The following ADCK1 variants were observed in gnomAD, a reference collection of about 807,000 sequenced individuals.
ADCK1 encodes aarF domain containing kinase 1, also known as aarF domain-containing protein kinase 1.
In ADCK1, 41 loss-of-function variants were observed where a neutral mutation model predicts 52.3. The observed-to-expected ratio is 0.78, with a 90% confidence interval of 0.61 to 1.02. The LOEUF (loss-of-function observed/expected upper bound fraction) is 1.02, where lower values mean the gene tolerates loss of function less well. ADCK1 is among the 50% of genes least tolerant of loss of function. The pLI, the probability that ADCK1 is intolerant of heterozygous loss-of-function variation, is 0.00. For synonymous variants in ADCK1, 250 were observed against 274.6 expected, an observed-to-expected ratio of 0.91 and a Z score of 0.89; for missense variants, 658 against 679.5, an observed-to-expected ratio of 0.97 and a Z score of 0.35.
intron 3 of ADCK1, among the ~76,000 whole-genome samples, chr14:77,844,925 C>T (rs1055125809): frequency 6.6e-6 from 1 of 152,190 alleles, no homozygotes; most frequent in Non-Finnish European, 1.5e-5. Flanking sequence ...ACTCAGAGTG[C>T]GTGCTGTGGT....
Position 77,933,259 on chromosome 14 carries a change from C to T in ADCK1, c.1440C>T (p.Thr480=). The change falls in exon 11 of 11, where the codon ACC becomes ACT. Residue 480 remains threonine (T), a synonymous_variant. Transcript: ENST00000238561. The stretch of plus-strand genomic sequence containing the variant: ...ATACCTGTTCATTCTTCAGAAGGAC[C>T]CAGATCTCTTTCAGCGAGGCCTTCA... ...KKNTCSFFRR[T]QISFSEAFNL... 1 of 1,614,148 alleles carries T rather than the reference C, an allele frequency of 6.2e-7. No individual in the cohort carries two copies. The highest frequency in any genetic ancestry group is 8.5e-7 in the Non-Finnish European group (1 of 1,180,022).
chr14:77,823,397 T>C (rs1483392864), intron 3 of ADCK1, among the ~76,000 whole-genome samples: 2 of 152,164 alleles, frequency 1.3e-5, no homozygotes, highest in African/African-American at 2.4e-5. Context: ...TTTTCCTATG[T>C]GGATGGAATA....
In ADCK1 at chr14:77,819,037, G is replaced by T. The variant is rs1210128836; in HGVS notation, c.59G>T (p.Gly20Val). 8 of 1,614,034 alleles carry T rather than the reference G, an allele frequency of 5.0e-6. No individual in the cohort carries two copies. Among genetic ancestry groups the T allele is most frequent in the Non-Finnish European group, 6.8e-6 (8 of 1,180,032 alleles). Residue 20 changes from glycine to valine, a missense_variant, in exon 2 of 11, where the codon GGC becomes GTC. Physicochemically the swap from Gly to Val is moderately radical, Grantham distance 109 (BLOSUM62 -3). Transcript: ENST00000238561. ...SWTSMALAAS[G>V]IYFYSNKYLD... ...ACCAGCATGGCTCTTGCTGCCTCTG[G>T]CATCTACTTCTACAGTAACAAGTAC...
At chr14:77,910,357 G>C (rs1390106987) in intron 7 of ADCK1, among the ~76,000 whole-genome samples, 4 of 152,102 alleles carry the variant, frequency 2.6e-5, no homozygotes, top group Middle Eastern at 3.2e-3. Flanking sequence ...AGTAACACAA[G>C]TCAGGGCTTC....
At position 77,907,848 on chromosome 14, in the gene ADCK1, A is replaced by C; in HGVS notation, c.787A>C (p.Met263Leu). ...CCTGTCCACGGAGCGGGTCCTCCTG[A>C]TGGAGTTTGTGGATGGCGGGCAGGT... The part of the protein sequence containing the change: ...WDLSTERVLL[M>L]EFVDGGQVND... The change falls in exon 7 of 11, where the codon ATG becomes CTG. Residue 263 changes from methionine (M) to leucine (L), a missense_variant. Coordinates refer to ENST00000238561, the MANE Select transcript of ADCK1 (RefSeq NM_020421.4). 3 of 1,613,886 alleles carry C rather than the reference A, an allele frequency of 1.9e-6. No individual in the cohort carries two copies. The highest frequency in any genetic ancestry group is 2.5e-6 in the Non-Finnish European group (3 of 1,179,912).
intron 4 of ADCK1, among the ~76,000 whole-genome samples, chr14:77,859,898 C>A (rs962609593): frequency 6.6e-6 from 1 of 152,196 alleles, no homozygotes; most frequent in Non-Finnish European, 1.5e-5. Flanking sequence ...TGTTTCCCTA[C>A]GCTCTGGTCC....
At chr14:77,807,815 G>A (rs1014292008) in intron 1 of ADCK1, among the ~76,000 whole-genome samples, 5 of 151,902 alleles carry the variant, frequency 3.3e-5, no homozygotes, top group East Asian at 1.9e-4. Flanking sequence ...GGCAATTTTT[G>A]TATTTTTAGT....
At chr14:77,813,919 C>T (rs1049031882) in intron 1 of ADCK1, among the ~76,000 whole-genome samples, 6 of 151,842 alleles carry the variant, frequency 4.0e-5, no homozygotes, top group Non-Finnish European at 7.4e-5. Context: ...AGATGCATGC[C>T]ACAACACCCG....
chr14:77,929,972 G>A (rs189664312), intron 9 of ADCK1, among the ~76,000 whole-genome samples: 1,929 of 152,276 alleles, frequency 0.013, 35 homozygotes, highest in Non-Finnish European at 0.016. Flanking sequence ...TAATAAAGGA[G>A]ATTGGGGTGA....
At chr14:77,827,350 C>CA (rs772586548) in intron 3 of ADCK1, among the ~76,000 whole-genome samples, 1,897 of 71,270 alleles carry the variant, frequency 0.027, 43 homozygotes, top group Middle Eastern at 0.041. Flanking sequence ...GACTCTGTCT[C>CA]AAAAAAAAAA....
chr14:77,856,407 G>A (rs890711625), intron 3 of ADCK1, among the ~76,000 whole-genome samples: 1 of 152,042 alleles, frequency 6.6e-6, no homozygotes, highest in African/African-American at 2.4e-5. Flanking sequence ...CTGTGTGTGG[G>A]GTGTGTATGT....
rs1290468387 is a variant in ADCK1, at chr14:77,815,315, C to A, written c.-11-3653C>A. 1.2e-4 allele frequency among the ~76,000 whole-genome samples: 18 copies of A among 151,084 alleles called. No homozygotes were observed. The Admixed American group carries it at 1.2e-3, about 10-fold the overall frequency. On this transcript the variant is annotated intron_variant, in intron 1 of 10. Coordinates refer to ENST00000238561, the MANE Select transcript of ADCK1 (RefSeq NM_020421.4). ...AGACCTCCTAGGCTCAAGGGATCCT[C>A]CCACTTCAGCATTTTGAGTAGCTGG...
chr14:77,927,866 G>T (rs2084233092), intron 9 of ADCK1, among the ~76,000 whole-genome samples: 1 of 152,244 alleles, frequency 6.6e-6, no homozygotes, highest in South Asian at 2.1e-4. Context: ...GGTCTTAAAA[G>T]CCACGGGAAG....
chr14:77,899,349 A>G, intron 6 of ADCK1, 91 bp downstream of exon 6: 1 of 1,508,358 alleles, frequency 6.6e-7, no homozygotes, highest in South Asian at 1.2e-5. Flanking sequence ...CTTTCAGGAC[A>G]TAATTGGGAC....
At position 77,923,388 on chromosome 14, in the gene ADCK1, A is replaced by C. The variant is rs2084106749; in HGVS notation, c.859-1069A>C. 1 of 152,418 alleles carries C rather than the reference A, an allele frequency of 6.6e-6. No individual in the cohort carries two copies. The highest frequency in any genetic ancestry group is 2.4e-5 in the African/African-American group (1 of 41,458). 9.4% of individuals were successfully genotyped at this position (152,418 alleles called of 1,614,324 possible). A position where few individuals can be genotyped will look rare whatever the true frequency, so the allele number is the denominator to read the frequency against. On this transcript the variant is annotated intron_variant, in intron 7 of 10. Coordinates refer to ENST00000238561, the MANE Select transcript of ADCK1 (RefSeq NM_020421.4). This position sits in a 1 kb window ranked among gnomAD's most constrained non-coding sequence, Gnocchi z 4.3. Reference sequence around the variant, plus strand: ...GATTGCTGGGGAAGAGAAAGAGTGAATATGGCTGGAATGTCAGTGTGGTGT... The same window carrying C: ...GATTGCTGGGGAAGAGAAAGAGTGACTATGGCTGGAATGTCAGTGTGGTGT...
chr14:77,917,090 T>C (rs543095825), intron 7 of ADCK1, among the ~76,000 whole-genome samples: 17 of 152,286 alleles, frequency 1.1e-4, no homozygotes, highest in Admixed American at 5.9e-4. Flanking sequence ...CTGGGCATGG[T>C]GGCACATGCA....
chr14:77,855,321 A>T (rs1221322583), intron 3 of ADCK1, among the ~76,000 whole-genome samples: 1 of 152,246 alleles, frequency 6.6e-6, no homozygotes, highest in Non-Finnish European at 1.5e-5. Context: ...TAATCTTCGT[A>T]GCAGCCCTAT....
In ADCK1 at chr14:77,802,513, C is replaced by T. The variant is rs1192503102; in HGVS notation, c.-12+2343C>T. On this transcript the variant is annotated intron_variant, in intron 1 of 10. Coordinates refer to ENST00000238561, the MANE Select transcript of ADCK1 (RefSeq NM_020421.4). ...TCGCCCAGGCTGGAGTGCAGTGGCA[C>T]GATCTTGGCTCACTGCAGCCTCTGC... is the stretch of plus-strand genomic sequence containing the variant. Among the ~76,000 whole-genome samples, 6 of 151,984 alleles carry T rather than the reference C, an allele frequency of 3.9e-5. No individual in the cohort carries two copies. The East Asian group carries it at 7.9e-4, about 20-fold the overall frequency.
chr14:77,842,040 A>G (rs1359796142), intron 3 of ADCK1, among the ~76,000 whole-genome samples: 1 of 152,018 alleles, frequency 6.6e-6, no homozygotes, highest in East Asian at 1.9e-4. Flanking sequence ...GCAGAGAGCT[A>G]TGATGGCACC....
Sources: gnomAD v4.1 joint callset for allele counts (sites outside exome capture counted in the v4.1 genomes callset) on GRCh38, gnomAD v4.1.1 for gene constraint, Gnocchi (gnomAD v3.1) non-coding constraint, MANE v1.5 for transcripts, NCBI Gene and HGNC (gene_info 2026-07-23, HGNC 2026-07-21) for gene names.